The following UBR3 variants were observed in gnomAD, a reference collection of about 807,000 sequenced individuals.
The protein encoded by UBR3 is ubiquitin protein ligase E3 component n-recognin 3.
UBR3 carries 85 observed loss-of-function variants against 243.2 expected under a neutral mutation model. That is an observed-to-expected ratio of 0.35 (90% CI 0.29 to 0.42). UBR3 has a LOEUF of 0.42. UBR3 is among the 10% of genes least tolerant of loss of function. The pLI, the probability that UBR3 is intolerant of heterozygous loss-of-function variation, is 1.00. For missense variants in UBR3, 1,686 were observed against 2,300.8 expected, an observed-to-expected ratio of 0.73 and a Z score of 5.47; for synonymous variants, 748 against 799.8, an observed-to-expected ratio of 0.94 and a Z score of 1.09.
chr2:169,947,975 G>C lies in UBR3; in HGVS notation c.3084+260G>C, dbSNP rs757002614. 69 of 982,530 alleles carry C rather than the reference G, an allele frequency of 7.0e-5. 1 individual carries two copies. Among genetic ancestry groups the C allele is most frequent in the Middle Eastern group, 1.0e-3 (2 of 1,932 alleles). The allele number at this position is 982,530 out of a possible 1,614,324, so 60.9% of individuals were successfully genotyped here. On this transcript the variant is annotated intron_variant, in intron 22 of 38. Transcript: ENST00000272793. ...GATATTTTCATTAACTAGCAACATG[G>C]CTTTAACTGGAAATGGGGAAAAACC...
intron 1 of UBR3, among the ~76,000 whole-genome samples, chr2:169,837,101 T>G (rs1195231625): frequency 3.3e-5 from 5 of 152,250 alleles, no homozygotes; most frequent in African/African-American, 4.8e-5. Flanking sequence ...CATTGTACAC[T>G]TAGGTCTTTT....
intron 23 of UBR3, among the ~76,000 whole-genome samples, chr2:169,952,226 G>A (rs1005700352): frequency 6.6e-6 from 1 of 152,172 alleles, no homozygotes; most frequent in South Asian, 2.1e-4. Flanking sequence ...CGAAGGGATG[G>A]CTGAGCAGAG....
At chr2:170,015,174 A>G (rs745979786) in intron 29 of UBR3, 107 bp from the exon 30 acceptor site, 6 of 907,950 alleles carry the variant, frequency 6.6e-6, no homozygotes, top group African/African-American at 1.7e-5. Context: ...TTTTGCAAAA[A>G]ATAAAGTTGA....
At chr2:169,937,622 A>G (rs552661655) in intron 19 of UBR3, among the ~76,000 whole-genome samples, 1 of 152,228 alleles carries the variant, frequency 6.6e-6, no homozygotes, top group South Asian at 2.1e-4. Context: ...GTTTTCCTCT[A>G]GGGTTTTTAT....
chr2:169,888,157 T>TTTATTTA (rs1237964374), intron 5 of UBR3, among the ~76,000 whole-genome samples: 2 of 101,750 alleles, frequency 2.0e-5, no homozygotes, highest in Non-Finnish European at 4.1e-5. Flanking sequence ...TTATTTATTT[T>TTTATTTA]TGAGATGGAG....
intron 25 of UBR3, among the ~76,000 whole-genome samples, chr2:169,987,392 C>CA (rs563664122): frequency 0.087 from 5,657 of 65,130 alleles, 214 homozygotes; most frequent in East Asian, 0.2. Context: ...GACTCTGTCT[C>CA]AAAAAAAAAA....
At chr2:170,027,644 G>A (rs188398408) in intron 30 of UBR3, among the ~76,000 whole-genome samples, 2 of 151,708 alleles carry the variant, frequency 1.3e-5, no homozygotes, top group Non-Finnish European at 3.0e-5. Context: ...TATATAAAAA[G>A]AATGCAGAAC....
intron 26 of UBR3, among the ~76,000 whole-genome samples, chr2:169,997,586 G>A (rs547948721): frequency 1.4e-4 from 22 of 152,112 alleles, no homozygotes; most frequent in Non-Finnish European, 2.2e-4. Context: ...TCTGTGAGCC[G>A]GCCAGGAGCA....
chr2:169,828,109 G>T (rs927992457), intron 1 of UBR3, 57 bp downstream of exon 1: 14 of 1,342,040 alleles, frequency 1.0e-5, no homozygotes, highest in African/African-American at 6.1e-5. Flanking sequence ...GTCGCGGGAG[G>T]GCCTGGAGCG....
chr2:169,882,081 G>A lies in UBR3; in HGVS notation c.1038+3507G>A, dbSNP rs868450547. 4.9e-5 allele frequency among the ~76,000 whole-genome samples: 6 copies of A among 122,350 alleles called. No homozygotes were observed. The South Asian group carries it at 1.4e-3, about 30-fold the overall frequency. The allele number at this position is 122,350 out of a possible 152,430, so 80.3% of individuals were successfully genotyped here. A position where few individuals can be genotyped will look rare whatever the true frequency, so the allele number is the denominator to read the frequency against. ...ATACACATATAATATAATTATATAT[G>A]TATGTATATATACACATATATATTT... On this transcript the variant is annotated intron_variant, in intron 5 of 38. Coordinates refer to ENST00000272793, the MANE Select transcript of UBR3 (RefSeq NM_172070.4).
chr2:169,902,850 T>G (rs2084882449), intron 8 of UBR3, among the ~76,000 whole-genome samples: 1 of 152,200 alleles, frequency 6.6e-6, no homozygotes, highest in Non-Finnish European at 1.5e-5. Flanking sequence ...CTTCAGGTGA[T>G]TCGCCCATTT....
At chr2:169,920,355 T>C (rs1004689604) in intron 11 of UBR3, among the ~76,000 whole-genome samples, 3 of 152,078 alleles carry the variant, frequency 2.0e-5, no homozygotes, top group East Asian at 1.9e-4. Flanking sequence ...TTAGGAGATA[T>C]ACCTAATGTT....
intron 5 of UBR3, among the ~76,000 whole-genome samples, chr2:169,889,566 T>TTAAGG (rs1233657203): frequency 1.3e-5 from 2 of 152,188 alleles, no homozygotes; most frequent in Non-Finnish European, 2.9e-5. Context: ...CATATTTCTT[T>TTAAGG]CTGGTGAATT....
intron 32 of UBR3, among the ~76,000 whole-genome samples, chr2:170,049,872 G>T (rs2091177080): frequency 6.6e-6 from 1 of 152,146 alleles, no homozygotes; most frequent in Non-Finnish European, 1.5e-5. Context: ...ATGCTTTGGG[G>T]ATACAGTGGA....
chr2:170,013,977 G>C (rs769425662), intron 29 of UBR3: 1 of 466,516 alleles, frequency 2.1e-6, no homozygotes, highest in African/African-American at 2.0e-5. Flanking sequence ...TTGCTGGTAG[G>C]TTTTTAGAAG....
At chr2:169,956,995 A>T (rs2087330957) in intron 23 of UBR3, among the ~76,000 whole-genome samples, 1 of 152,170 alleles carries the variant, frequency 6.6e-6, no homozygotes. Flanking sequence ...TATGGGTATG[A>T]CACAAAGGAC....
At chr2:169,901,815 A>G (rs2084833786) in intron 8 of UBR3, among the ~76,000 whole-genome samples, 1 of 152,200 alleles carries the variant, frequency 6.6e-6, no homozygotes, top group African/African-American at 2.4e-5. Context: ...TTCATGTCCC[A>G]GAAATTTTAG....
chr2:169,879,042 A>G (rs928514517), intron 5 of UBR3, among the ~76,000 whole-genome samples: 3 of 152,036 alleles, frequency 2.0e-5, no homozygotes, highest in African/African-American at 7.2e-5. Context: ...TTTTAAAACT[A>G]TGTACTGGGA....
At chr2:170,007,845 C>A (rs938668498) in intron 28 of UBR3, among the ~76,000 whole-genome samples, 1 of 152,010 alleles carries the variant, frequency 6.6e-6, no homozygotes, top group Non-Finnish European at 1.5e-5. Context: ...GTCTAGGCAG[C>A]AGAGCGAGAC....
Sources: gnomAD v4.1 joint callset for allele counts (sites outside exome capture counted in the v4.1 genomes callset) on GRCh38, gnomAD v4.1.1 for gene constraint, MANE v1.5 for transcripts, NCBI Gene and HGNC (gene_info 2026-07-23, HGNC 2026-07-21) for gene names.